NCR1: variants seen among roughly 807,000 people sequenced by gnomAD.
The protein encoded by NCR1 is NK cell-activating receptor.
NCR1 carries 30 observed loss-of-function variants against 32.5 expected under a neutral mutation model. The observed-to-expected ratio is 0.92, with a 90% CI of 0.69 to 1.25. The LOEUF is 1.25. Among genes scored for constraint, NCR1 ranks in the 50% most tolerant of loss-of-function variants. The probability of loss-of-function intolerance (pLI) is 0.00; values close to 1 mark genes in which losing one functional copy is unlikely to be tolerated. For synonymous variants in NCR1, 169 were observed against 143.4 expected (o/e 1.18, Z -1.28); for missense variants, 369 against 380.7 (o/e 0.97, Z 0.26).
chr19:54,903,399 T>TATGTATGTATACACGCATAC (rs1373146601), upstream of NCR1, among the ~76,000 whole-genome samples: 26 of 139,730 alleles, frequency 1.9e-4, no homozygotes, highest in African/African-American at 5.1e-4. Context: ...CATATATGTA[T>TATGTATGTATACACGCATAC]ATGTATGTAT....
upstream of NCR1, among the ~76,000 whole-genome samples, chr19:54,901,617 C>T (rs201661378): frequency 2.4e-4 from 36 of 151,866 alleles, no homozygotes; most frequent in East Asian, 6.4e-3. Context: ...GCTCCTGGAG[C>T]GAAGAAAGGA....
the NCR1 span, among the ~76,000 whole-genome samples, chr19:54,899,864 G>A: frequency 7.2e-5 from 11 of 152,152 alleles, no homozygotes; most frequent in African/African-American, 2.7e-4. Context: ...GCCTTCCCGA[G>A]TCCATGACCG....
At chr19:54,937,290 G>C in the NCR1 span, among the ~76,000 whole-genome samples, 15 of 151,750 alleles carry the variant, frequency 9.9e-5, no homozygotes, top group African/African-American at 2.7e-4. Flanking sequence ...ATACTTGGGT[G>C]ACAAAATAAT....
At chr19:54,913,875 C>T (rs1325404750), downstream of NCR1, among the ~76,000 whole-genome samples, 4 of 152,200 alleles carry the variant, frequency 2.6e-5, no homozygotes, top group South Asian at 4.2e-4. Context: ...CGAGAGCAGC[C>T]TGGCCAACAT....
upstream of NCR1, among the ~76,000 whole-genome samples, chr19:54,903,200 AC>A (rs587614157): frequency 1.7e-4 from 26 of 151,934 alleles, no homozygotes; most frequent in South Asian, 5.0e-3. Context: ...TACAGTAGTC[AC>A]ATGTATCCAC....
At chr19:54,903,306 A>ATG (rs1018969725), upstream of NCR1, among the ~76,000 whole-genome samples, 4 of 137,812 alleles carry the variant, frequency 2.9e-5, no homozygotes, top group Admixed American at 3.2e-4. Flanking sequence ...ATATACGTAT[A>ATG]TGTATACATA....
At chr19:54,901,467 G>T (rs587679091), upstream of NCR1, among the ~76,000 whole-genome samples, 106 of 151,784 alleles carry the variant, frequency 7.0e-4, no homozygotes, top group African/African-American at 2.4e-3. Context: ...ATGGCTTAGA[G>T]TCTGTAGAGG....
upstream of NCR1, among the ~76,000 whole-genome samples, chr19:54,904,531 C>CTT (rs1556717280): frequency 7.2e-4 from 86 of 118,966 alleles, 1 homozygote; most frequent in East Asian, 4.2e-3. Flanking sequence ...GTTTTCTTTT[C>CTT]TTTTTTTTTT....
At chr19:54,931,275 C>T in the NCR1 span, among the ~76,000 whole-genome samples, 1 of 151,806 alleles carries the variant, frequency 6.6e-6, no homozygotes, top group Admixed American at 6.6e-5. Context: ...ATACAAAAAT[C>T]GGGCCGGGCG....
chr19:54,934,592 A>G, the NCR1 span: 1 of 1,614,042 alleles, frequency 6.2e-7, no homozygotes, highest in South Asian at 1.1e-5. This position sits in a 1 kb window ranked among gnomAD's most constrained non-coding sequence, Gnocchi z 6.7. Flanking sequence ...TGCTTCAGGG[A>G]CTGGTTGGCT....
At position 54,906,322 on chromosome 19, in the gene NCR1, A is replaced by G. The variant is rs1418616881; in HGVS notation, c.58A>G (p.Ser20Gly). The change falls in exon 2 of 7, where the codon AGC (serine) becomes GGC (glycine). Residue 20 changes from serine to glycine, a missense_variant. Coordinates refer to ENST00000291890, the MANE Select transcript of NCR1 (RefSeq NM_004829.7). ...CVGLCLSQRI[S>G]AQQQTLPKPF... is the part of the protein sequence containing the mutation. ...AGGGCTGTGTCTGAGTCAGAGGATCAGCGCCCAGCAGCGTGAGTCCTTCCT... is the reference window on the plus strand; with the variant it reads ...AGGGCTGTGTCTGAGTCAGAGGATCGGCGCCCAGCAGCGTGAGTCCTTCCT... 2 of 1,613,858 alleles carry G rather than the reference A, an allele frequency of 1.2e-6. No individual in the cohort carries two copies. Among genetic ancestry groups the G allele is most frequent in the South Asian group, 2.2e-5 (2 of 91,086 alleles).
At chr19:54,923,585 G>T in the NCR1 span, 8 of 852,634 alleles carry the variant, frequency 9.4e-6, no homozygotes, top group African/African-American at 6.6e-5. Context: ...CGTGACTCGT[G>T]CAGAATCTCC....
At chr19:54,930,862 C>G in the NCR1 span, among the ~76,000 whole-genome samples, 9 of 151,870 alleles carry the variant, frequency 5.9e-5, no homozygotes, top group Non-Finnish European at 5.9e-5. Context: ...ATTATAGGTG[C>G]CCGCCACCTA....
chr19:54,930,799 T>G, the NCR1 span: 3 of 758,166 alleles, frequency 4.0e-6, no homozygotes, highest in African/African-American at 1.7e-5. Context: ...CACTGCAACC[T>G]CTGCCTCCCA....
chr19:54,912,279 G>A, intron 6 of NCR1, 61 bp downstream of exon 6: 2 of 1,518,166 alleles, frequency 1.3e-6, no homozygotes, highest in Admixed American at 3.4e-5. Context: ...AGTAGACCTA[G>A]GAAGGGAATC....
At chr19:54,923,695 C>A in the NCR1 span, 1 of 1,610,104 alleles carries the variant, frequency 6.2e-7, no homozygotes, top group South Asian at 1.1e-5. Context: ...TCTTAGAGAC[C>A]CGAATCCCGC....
At chr19:54,933,310 T>A in the NCR1 span, among the ~76,000 whole-genome samples, 3 of 151,998 alleles carry the variant, frequency 2.0e-5, no homozygotes. Flanking sequence ...CACACCTGGC[T>A]AATTTTTGGT....
chr19:54,911,997 C>T (rs972091058), intron 5 of NCR1, among the ~76,000 whole-genome samples, 171 bp from the exon 6 acceptor site: 1 of 151,954 alleles, frequency 6.6e-6, no homozygotes. Context: ...TCGTCAGGTT[C>T]GTCCATCTGT....
At chr19:54,901,138 A>AAAAAAAAAT in the NCR1 span, among the ~76,000 whole-genome samples, 1 of 149,690 alleles carries the variant, frequency 6.7e-6, no homozygotes, top group Non-Finnish European at 1.5e-5. Context: ...AAAAAAAAAA[A>AAAAAAAAAT]GATTACCCGG....
Sources: gnomAD v4.1 joint callset for allele counts (sites outside exome capture counted in the v4.1 genomes callset) on GRCh38, gnomAD v4.1.1 for gene constraint, Gnocchi (gnomAD v3.1) non-coding constraint, MANE v1.5 for transcripts, NCBI Gene and HGNC (gene_info 2026-07-23, HGNC 2026-07-21) for gene names.